PPARGC1A: variants seen among roughly 807,000 people sequenced by gnomAD.
The protein encoded by PPARGC1A is PPARG coactivator 1 alpha.
A neutral mutation model predicts 88.7 loss-of-function variants in PPARGC1A; 25 were observed. The observed-to-expected ratio is 0.28, with a 90% confidence interval of 0.21 to 0.39. The LOEUF is 0.39. PPARGC1A is among the 10% of genes least tolerant of loss of function. PPARGC1A has a pLI of 1.00. For synonymous variants in PPARGC1A, 363 were observed against 355.6 expected, an observed-to-expected ratio of 1.02 and a Z score of -0.24; for missense variants, 880 against 968.7, an observed-to-expected ratio of 0.91 and a Z score of 1.22.
the PPARGC1A span, among the ~76,000 whole-genome samples, chr4:24,002,323 T>C: frequency 6.6e-6 from 1 of 152,090 alleles, no homozygotes; most frequent in Non-Finnish European, 1.5e-5. Context: ...AGACAGAGTT[T>C]CACTATGTTG....
At chr4:24,451,562 T>A in the PPARGC1A span, among the ~76,000 whole-genome samples, 1 of 151,908 alleles carries the variant, frequency 6.6e-6, no homozygotes. Context: ...TTTTTTTGGG[T>A]TGTCTTTTGT....
chr4:23,792,817 A>C lies in PPARGC1A; in HGVS notation c.*3005T>G. 1 of 152,540 alleles carries C rather than the reference A, an allele frequency of 6.6e-6. No individual in the cohort carries two copies. The highest frequency in any genetic ancestry group is 1.9e-4 in the East Asian group (1 of 5,192). 9.4% of individuals were successfully genotyped at this position (152,540 alleles called of 1,614,324 possible). A position where few individuals can be genotyped will look rare whatever the true frequency, so the allele number is the denominator to read the frequency against. On this transcript the variant is annotated 3_prime_UTR_variant, in exon 13 of 13. Transcript: ENST00000264867. ...ATAAAAATAAAAATGAGAGGAGCAC[A>C]GCTTACATTTTGATGGGCTACCCAC...
intron 12 of PPARGC1A, among the ~76,000 whole-genome samples, chr4:23,800,969 T>TTC (rs1461887944): frequency 3.7e-4 from 53 of 142,348 alleles, no homozygotes; most frequent in African/African-American, 1.1e-3. Context: ...GTTTCTTTCT[T>TTC]TTTTTTTTTT....
the PPARGC1A span, among the ~76,000 whole-genome samples, chr4:24,373,734 G>T: frequency 1.3e-5 from 2 of 152,160 alleles, no homozygotes; most frequent in Non-Finnish European, 2.9e-5. Context: ...AAAATTGATA[G>T]GTTGCCCATT....
chr4:24,263,011 A>G, the PPARGC1A span, among the ~76,000 whole-genome samples: 1 of 152,334 alleles, frequency 6.6e-6, no homozygotes, highest in South Asian at 2.1e-4. Flanking sequence ...TAACAGTCCT[A>G]CGTAGATTTT....
the PPARGC1A span, among the ~76,000 whole-genome samples, chr4:24,262,357 C>A: frequency 6.6e-6 from 1 of 152,212 alleles, no homozygotes; most frequent in Non-Finnish European, 1.5e-5. Flanking sequence ...ACTTCACCTG[C>A]CTTCCCAAAC....
intron 2 of PPARGC1A, among the ~76,000 whole-genome samples, chr4:23,838,358 G>A (rs972362464): frequency 6.6e-6 from 1 of 152,124 alleles, no homozygotes; most frequent in African/African-American, 2.4e-5. Context: ...TGTAATGACT[G>A]AGAGGTTCCT....
At chr4:24,000,740 C>T in the PPARGC1A span, among the ~76,000 whole-genome samples, 1 of 152,076 alleles carries the variant, frequency 6.6e-6, no homozygotes, top group African/African-American at 2.4e-5. Context: ...ATCAGAAAGA[C>T]TGCAGGATTT....
upstream of PPARGC1A, among the ~76,000 whole-genome samples, chr4:23,904,405 T>C (rs538233535): frequency 6.6e-6 from 1 of 152,274 alleles, no homozygotes; most frequent in South Asian, 2.1e-4. Context: ...CTCCCTGTGA[T>C]TTCTGTCCTA....
chr4:24,349,170 C>T, the PPARGC1A span, among the ~76,000 whole-genome samples: 3 of 152,302 alleles, frequency 2.0e-5, no homozygotes, highest in African/African-American at 7.2e-5. Context: ...GTCCCTCAGC[C>T]GTGGATACCG....
the PPARGC1A span, among the ~76,000 whole-genome samples, chr4:24,329,396 G>T: frequency 6.6e-6 from 1 of 151,936 alleles, no homozygotes; most frequent in South Asian, 2.1e-4. Context: ...GCGTGATGGG[G>T]TCCTACCTGC....
chr4:24,263,685 G>A, the PPARGC1A span, among the ~76,000 whole-genome samples: 1 of 152,136 alleles, frequency 6.6e-6, no homozygotes, highest in South Asian at 2.1e-4. Context: ...TGAAGATGAT[G>A]AGGATGAACA....
chr4:23,810,526 A>T (rs1167266095), intron 10 of PPARGC1A, among the ~76,000 whole-genome samples: 1 of 152,212 alleles, frequency 6.6e-6, no homozygotes, highest in Non-Finnish European at 1.5e-5. Flanking sequence ...AAAGGGCCGA[A>T]CTAGCAACAA....
chr4:23,994,499 AG>A, the PPARGC1A span, among the ~76,000 whole-genome samples: 1 of 152,064 alleles, frequency 6.6e-6, no homozygotes, highest in Non-Finnish European at 1.5e-5. Flanking sequence ...TGGGCAGAGA[AG>A]GGGGGGCGGT....
the PPARGC1A span, among the ~76,000 whole-genome samples, chr4:24,359,321 C>A: frequency 3.1e-3 from 472 of 152,314 alleles, 6 homozygotes; most frequent in African/African-American, 0.011. Context: ...ATACACACTT[C>A]TCTAGAGATC....
chr4:23,810,157 T>C (rs997108316), intron 10 of PPARGC1A, among the ~76,000 whole-genome samples: 5 of 152,184 alleles, frequency 3.3e-5, no homozygotes, highest in Non-Finnish European at 7.3e-5. Flanking sequence ...AAACAGTAAG[T>C]CCCAAATCTT....
chr4:24,303,817 G>A, the PPARGC1A span, among the ~76,000 whole-genome samples: 62 of 152,272 alleles, frequency 4.1e-4, no homozygotes, highest in African/African-American at 1.0e-3. Context: ...GTTGCTGTTC[G>A]TTTCTGGTGC....
At chr4:24,121,825 A>T in the PPARGC1A span, among the ~76,000 whole-genome samples, 1 of 152,194 alleles carries the variant, frequency 6.6e-6, no homozygotes, top group Non-Finnish European at 1.5e-5. Flanking sequence ...CGCATGGTTA[A>T]TTTTATCTGC....
the PPARGC1A span, among the ~76,000 whole-genome samples, chr4:24,242,745 G>T: frequency 0.08 from 12,100 of 152,074 alleles, 571 homozygotes; most frequent in African/African-American, 0.12. Context: ...TTCAACCTCT[G>T]CTCTCAGGAC....
Sources: allele counts gnomAD v4.1 joint callset (sites outside exome capture counted in the v4.1 genomes callset), GRCh38; gene constraint gnomAD v4.1.1; transcripts MANE v1.5; gene names NCBI Gene and HGNC (gene_info 2026-07-23, HGNC 2026-07-21).